DNMT1: variants seen among roughly 807,000 people sequenced by gnomAD.
The protein encoded by DNMT1 is DNA methyltransferase 1, also known as DNA (cytosine-5)-methyltransferase 1.
A neutral mutation model predicts 205.3 loss-of-function variants in DNMT1; 24 were observed. That is an observed-to-expected ratio of 0.12 (90% CI 0.08 to 0.16). The LOEUF is 0.16. DNMT1 is among the 10% of genes least tolerant of loss of function. DNMT1 has a pLI of 1.00. For missense variants in DNMT1, 1,293 were observed against 2,177.7 expected (o/e 0.59, Z 8.09); for synonymous variants, 817 against 839.8 (o/e 0.97, Z 0.47).
rs548528582 is a variant in DNMT1, at chr19:10,182,332, T to C, written c.81-255A>G. Among the ~76,000 whole-genome samples the C allele has an allele frequency of 5.9e-5, 9 of 151,660 alleles. No individual in the cohort carries two copies. The East Asian group carries it at 9.7e-4, about 16-fold the overall frequency. On this transcript the variant is annotated intron_variant, in intron 1 of 40. Coordinates refer to ENST00000359526, the MANE Select transcript of DNMT1 (RefSeq NM_001130823.3). ...TTTTTCTGATGATTGTGAGATTACA[T>C]AGCAGCTCTGTAACACAATTATGTG...
At chr19:10,179,872 A>C (rs1164586066) in intron 5 of DNMT1, 1 of 174,186 alleles carries the variant, frequency 5.7e-6, no homozygotes, top group Non-Finnish European at 1.2e-5. Context: ...CGCCTGTAAT[A>C]CTAGCTACTT....
In DNMT1 at chr19:10,146,279, G is replaced by A; in HGVS notation, c.2894+72C>T. The A allele has an allele frequency of 1.9e-6, 3 of 1,576,410 alleles. No homozygotes were observed. The highest frequency in any genetic ancestry group is 2.3e-5 in the South Asian group (2 of 88,772). On this transcript the variant is annotated intron_variant, in intron 28 of 40. Coordinates refer to ENST00000359526, the MANE Select transcript of DNMT1 (RefSeq NM_001130823.3). The surrounding 1 kb of genome is among the most constrained non-coding windows in gnomAD (Gnocchi z 4.4). ...GAGGGATTGGCAATGTCTGTAAGGA[G>A]GGGGACACCACAAAGCCAGCCTGGC...
chr19:10,159,361 G>A lies in DNMT1; in HGVS notation c.1280+297C>T, dbSNP rs573335102. 2.6e-5 allele frequency among the ~76,000 whole-genome samples: 4 copies of A among 152,152 alleles called. No individual in the cohort carries two copies. The highest frequency in any genetic ancestry group is 3.9e-4 in the East Asian group (2 of 5,166). ...CTCTCGAGTAGTTGGGATTACAGTC[G>A]CGTACCACCACACCTGGCTACTTTT... On this transcript the variant is annotated intron_variant, in intron 17 of 40. Transcript: ENST00000359526. This position sits in a 1 kb window ranked among gnomAD's most constrained non-coding sequence, Gnocchi z 5.0.
intron 10 of DNMT1, among the ~76,000 whole-genome samples, chr19:10,167,089 C>T (rs969181693): frequency 2.6e-5 from 4 of 152,184 alleles, no homozygotes; most frequent in Admixed American, 1.3e-4. Context: ...CGAGTCTTCA[C>T]CTCCCACTCT....
Position 10,136,169 on chromosome 19 carries a change from G to A in DNMT1, c.4608C>T (p.Asp1536=), listed in dbSNP as rs761534071. The change falls in exon 38 of 41, where the codon GAC becomes GAT. Residue 1536 remains aspartate (D), a synonymous_variant. Transcript: ENST00000359526. ...WAGLYGRLEW[D]GFFSTTVTNP... ...TGGTGACGGTTGTGCTGAAGAAGCC[G>A]TCCCACTCGAGCCTTCCATAGAGGC... 6 of 1,614,114 alleles carry A rather than the reference G, an allele frequency of 3.7e-6. No homozygotes were observed. Among genetic ancestry groups the A allele is most frequent in the South Asian group, 1.1e-5 (1 of 91,088 alleles).
chr19:10,184,636 G>A (rs149702090), intron 1 of DNMT1: 3 of 152,278 alleles, frequency 2.0e-5, no homozygotes, highest in East Asian at 1.9e-4. Context: ...AACATAGGGC[G>A]ATCCTATCTC....
Position 10,140,390 on chromosome 19 carries a change from G to C in DNMT1, c.3524-62C>G, listed in dbSNP as rs968990992. On this transcript the variant is annotated intron_variant, in intron 32 of 40. Transcript: ENST00000359526. This position sits in a 1 kb window ranked among gnomAD's most constrained non-coding sequence, Gnocchi z 8.4. Reference sequence around the variant, plus strand: ...CCAGAAGATTTTTTTTTTTTTTTGAGATGGAGTCTCGCTCTGTCACCCAGG... The same window carrying C: ...CCAGAAGATTTTTTTTTTTTTTTGACATGGAGTCTCGCTCTGTCACCCAGG... 6.5e-7 allele frequency: 1 copy of C among 1,540,432 alleles called. No homozygotes were observed. The highest frequency in any genetic ancestry group is 2.3e-5 in the East Asian group (1 of 42,654).
chr19:10,192,244 C>A (rs1197392698), intron 1 of DNMT1, among the ~76,000 whole-genome samples: 1 of 151,678 alleles, frequency 6.6e-6, no homozygotes, highest in Non-Finnish European at 1.5e-5. Context: ...CATGACTGTG[C>A]CACTGCATTC....
Position 10,137,636 on chromosome 19 carries a change from G to T in DNMT1, c.4293+196C>A. The T allele has an allele frequency of 1.2e-6, 1 of 801,020 alleles. No homozygotes were observed. Among genetic ancestry groups the T allele is most frequent in the Non-Finnish European group, 2.0e-6 (1 of 496,986 alleles). The allele number at this position is 801,020 out of a possible 1,614,324, so 49.6% of individuals were successfully genotyped here. A position where few individuals can be genotyped will look rare whatever the true frequency, so the allele number is the denominator to read the frequency against. ...GTGGCTTGACACCATTCCAGACCAA[G>T]TCCAGGACTGCGGGAGCTCTGACAC... On this transcript the variant is annotated intron_variant, in intron 36 of 40. Transcript: ENST00000359526. This position sits in a 1 kb window ranked among gnomAD's most constrained non-coding sequence, Gnocchi z 6.4.
rs1181667711 is a variant in DNMT1, at chr19:10,140,575, G to C, written c.3523+206C>G. On this transcript the variant is annotated intron_variant, in intron 32 of 40. Transcript: ENST00000359526. This position sits in a 1 kb window ranked among gnomAD's most constrained non-coding sequence, Gnocchi z 8.4. ...ATTAGAGACGGGGTTTCACCATGTT[G>C]GCCAGGATGGTCTCAAACTCCTGAC... The C allele has an allele frequency of 3.1e-6, 3 of 962,292 alleles. No individual in the cohort carries two copies. The highest frequency in any genetic ancestry group is 4.7e-6 in the Non-Finnish European group (3 of 642,436). 59.6% of individuals were successfully genotyped at this position (962,292 alleles called of 1,614,324 possible). A position where few individuals can be genotyped will look rare whatever the true frequency, so the allele number is the denominator to read the frequency against.
rs780641040 is a variant in DNMT1, at chr19:10,135,763, G to A, written c.4746C>T (p.Phe1582=). Residue 1582 remains phenylalanine (F), a synonymous_variant, in exon 39 of 41, where the codon TTC becomes TTT. Coordinates refer to ENST00000359526, the MANE Select transcript of DNMT1 (RefSeq NM_001130823.3). ...GCCGGTGCTTGTCCAGGATGTTGCC[G>A]AAGAGCCGGTAGGTGTCAGGGAAGC... ...SQGFPDTYRL[F]GNILDKHRQV... is the part of the protein sequence containing the mutation. The A allele has an allele frequency of 3.4e-5, 55 of 1,604,538 alleles. No individual in the cohort carries two copies. Among genetic ancestry groups the A allele is most frequent in the Admixed American group, 5.1e-5 (3 of 59,000 alleles).
chr19:10,163,060 C>G, intron 12 of DNMT1: 1 of 557,786 alleles, frequency 1.8e-6, no homozygotes, highest in Non-Finnish European at 3.2e-6. Context: ...CACCTCCTGG[C>G]TTCTAGCAGT....
chr19:10,177,026 T>C (rs929849207), intron 6 of DNMT1, among the ~76,000 whole-genome samples: 5 of 152,164 alleles, frequency 3.3e-5, no homozygotes, highest in Non-Finnish European at 7.3e-5. Context: ...ACAACGGCTG[T>C]AACTTGATAA....
intron 11 of DNMT1, among the ~76,000 whole-genome samples, chr19:10,165,219 C>T (rs954431115): frequency 5.9e-5 from 9 of 152,072 alleles, no homozygotes; most frequent in Admixed American, 1.3e-4. Context: ...TACAGTGAAC[C>T]GTGATTGCAC....
chr19:10,193,311 C>T (rs1408669977), intron 1 of DNMT1, among the ~76,000 whole-genome samples: 5 of 152,060 alleles, frequency 3.3e-5, no homozygotes, highest in Non-Finnish European at 7.4e-5. Flanking sequence ...TATAATTGTG[C>T]CAGGGCACTC....
Position 10,194,809 on chromosome 19 carries a change from A to C in DNMT1, c.80+11T>G, listed in dbSNP as rs368945230. 5 of 1,595,112 alleles carry C rather than the reference A, an allele frequency of 3.1e-6. No individual in the cohort carries two copies. The highest frequency in any genetic ancestry group is 1.4e-5 in the African/African-American group (1 of 73,346). On this transcript the variant is annotated intron_variant, in intron 1 of 40. Coordinates refer to ENST00000359526, the MANE Select transcript of DNMT1 (RefSeq NM_001130823.3). ...TCCCCCTGAGTCCGTGTTCCCCCCCATGGTACCTACCGCCTGCGGACATCG... is the reference window on the plus strand; with the variant it reads ...TCCCCCTGAGTCCGTGTTCCCCCCCCTGGTACCTACCGCCTGCGGACATCG...
chr19:10,192,593 C>G (rs1484882370), intron 1 of DNMT1, among the ~76,000 whole-genome samples: 1 of 151,842 alleles, frequency 6.6e-6, no homozygotes, highest in Non-Finnish European at 1.5e-5. Flanking sequence ...AAGACCCCAT[C>G]TCTACAAAAT....
At chr19:10,180,011 GAAAGAA>G in intron 5 of DNMT1, 170 bp downstream of exon 5, 1 of 229,502 alleles carries the variant, frequency 4.4e-6, no homozygotes, top group East Asian at 1.2e-4. Flanking sequence ...AAAAAAGAAA[GAAAGAA>G]AGAGAGTTAA....
In DNMT1 at chr19:10,151,673, G is replaced by A. The variant is rs2038345591; in HGVS notation, c.2117+77C>T. 2 of 1,605,542 alleles carry A rather than the reference G, an allele frequency of 1.2e-6. No homozygotes were observed. The highest frequency in any genetic ancestry group is 1.7e-6 in the Non-Finnish European group (2 of 1,173,130). ...GGAATCCTGGTGCTGTCCCACACATGCAGGCCCTTCTCCACAGTGCATCTG... is the reference window on the plus strand; with the variant it reads ...GGAATCCTGGTGCTGTCCCACACATACAGGCCCTTCTCCACAGTGCATCTG... On this transcript the variant is annotated intron_variant, in intron 23 of 40. Coordinates refer to ENST00000359526, the MANE Select transcript of DNMT1 (RefSeq NM_001130823.3). The surrounding 1 kb of genome is among the most constrained non-coding windows in gnomAD (Gnocchi z 5.0).
Sources: gnomAD v4.1 joint callset for allele counts (sites outside exome capture counted in the v4.1 genomes callset) on GRCh38, gnomAD v4.1.1 for gene constraint, Gnocchi (gnomAD v3.1) non-coding constraint, MANE v1.5 for transcripts, NCBI Gene and HGNC (gene_info 2026-07-23, HGNC 2026-07-21) for gene names.